Variants in SDK1 observed in about 807,000 individuals in gnomAD.
SDK1 encodes sidekick cell adhesion molecule 1.
A neutral mutation model predicts 245.5 loss-of-function variants in SDK1; 157 were observed. The ratio of observed to expected loss-of-function variants is 0.64; its 90% CI spans 0.56 to 0.73. The LOEUF (loss-of-function observed/expected upper bound fraction) is 0.73, where lower values mean the gene tolerates loss of function less well. Ranked by LOEUF, SDK1 falls within the 30% of genes least tolerant of loss-of-function variation. SDK1 has a pLI of 0.00. For missense variants in SDK1, 3,583 were observed against 3,002.3 expected (o/e 1.19, Z -4.52); for synonymous variants, 1,647 against 1,278.5 (o/e 1.29, Z -6.15).
At chr7:3,469,107 A>G (rs1183841650) in intron 1 of SDK1, among the ~76,000 whole-genome samples, 1 of 152,092 alleles carries the variant, frequency 6.6e-6, no homozygotes, top group Non-Finnish European at 1.5e-5. Context: ...GTGATTTGAA[A>G]TTTCGAATTT....
intron 1 of SDK1, among the ~76,000 whole-genome samples, chr7:3,417,586 CTG>C (rs1437153745): frequency 3.3e-5 from 5 of 152,322 alleles, no homozygotes; most frequent in Middle Eastern, 3.4e-3. Context: ...CCCTGAGTAT[CTG>C]TGCTCATTAA....
In SDK1 at chr7:4,237,699, T is replaced by C. The variant is rs1327039818; in HGVS notation, c.6045T>C (p.Ala2015=). 1.2e-6 allele frequency: 2 copies of C among 1,614,102 alleles called. No individual in the cohort carries two copies. Among genetic ancestry groups the C allele is most frequent in the African/African-American group, 2.7e-5 (2 of 75,016 alleles). ...YEEWWFLLVM[A]LSSLIVILLV... The stretch of plus-strand genomic sequence containing the variant: ...AGTGGTGGTTCCTCCTGGTGATGGC[T>C]CTGTCCAGCCTGATCGTCATCCTGC... Residue 2015 remains alanine (A), a synonymous_variant, in exon 42 of 45, where the codon GCT becomes GCC. Transcript: ENST00000404826.
chr7:4,003,455 G>A (rs1038403370), intron 14 of SDK1, among the ~76,000 whole-genome samples: 8 of 152,114 alleles, frequency 5.3e-5, no homozygotes, highest in Non-Finnish European at 7.4e-5. Context: ...GCCCCCTTCC[G>A]AGCTCCGCAG....
intron 1 of SDK1, among the ~76,000 whole-genome samples, chr7:3,525,827 T>G (rs572271324): frequency 6.6e-6 from 1 of 152,344 alleles, no homozygotes; most frequent in Non-Finnish European, 1.5e-5. Context: ...TCAATTTTAG[T>G]GTAATAATTT....
intron 1 of SDK1, among the ~76,000 whole-genome samples, chr7:3,451,032 A>G (rs1458145504): frequency 1.2e-4 from 18 of 152,178 alleles, no homozygotes; most frequent in Admixed American, 1.1e-3. Context: ...GGGTTTGGCA[A>G]TAAAGAGGTC....
Position 3,921,072 on chromosome 7 carries a change from G to C in SDK1, c.848-29851G>C, listed in dbSNP as rs551523128. On this transcript the variant is annotated intron_variant, in intron 5 of 44. Transcript: ENST00000404826. ...CAGAGCTCATTTTTCTTTTTTATTAGATGAGCAATAAGTGTTAAATGTAGA... is the reference window on the plus strand; with the variant it reads ...CAGAGCTCATTTTTCTTTTTTATTACATGAGCAATAAGTGTTAAATGTAGA... 5.9e-5 allele frequency among the ~76,000 whole-genome samples: 9 copies of C among 152,278 alleles called. No homozygotes were observed. The South Asian group carries it at 1.9e-3, about 32-fold the overall frequency.
chr7:3,735,880 T>A (rs1779304803), intron 4 of SDK1, among the ~76,000 whole-genome samples: 1 of 152,198 alleles, frequency 6.6e-6, no homozygotes, highest in South Asian at 2.1e-4. Context: ...GCCATCCTAA[T>A]GTGTGAAGAT....
At chr7:3,677,383 C>G (rs1783938193) in intron 4 of SDK1, among the ~76,000 whole-genome samples, 1 of 152,204 alleles carries the variant, frequency 6.6e-6, no homozygotes, top group Non-Finnish European at 1.5e-5. Flanking sequence ...TTTTAATGGA[C>G]TCACAGTTCC....
chr7:3,914,417 TG>T (rs1380223975), intron 5 of SDK1, among the ~76,000 whole-genome samples: 1 of 152,210 alleles, frequency 6.6e-6, no homozygotes, highest in Admixed American at 6.5e-5. Context: ...AGAGAGAAAC[TG>T]CATTGAAATC....
At chr7:3,959,402 C>T (rs1269735468) in intron 8 of SDK1, among the ~76,000 whole-genome samples, 3 of 152,076 alleles carry the variant, frequency 2.0e-5, no homozygotes, top group Non-Finnish European at 4.4e-5. Flanking sequence ...CTGGTGAGCA[C>T]AGCCACTCTA....
chr7:3,675,286 G>A (rs144045139), intron 4 of SDK1, among the ~76,000 whole-genome samples: 73 of 152,296 alleles, frequency 4.8e-4, no homozygotes, highest in African/African-American at 1.8e-3. Context: ...CCAACATTTA[G>A]CTGTTTTCAC....
At chr7:3,627,056 T>A (rs1024293515) in intron 2 of SDK1, among the ~76,000 whole-genome samples, 2 of 152,040 alleles carry the variant, frequency 1.3e-5, no homozygotes, top group Non-Finnish European at 2.9e-5. Context: ...GCTTCCCACG[T>A]AGCTAGGGGT....
intron 14 of SDK1, among the ~76,000 whole-genome samples, chr7:4,002,487 A>G (rs1367523537): frequency 6.6e-6 from 1 of 152,216 alleles, no homozygotes; most frequent in Non-Finnish European, 1.5e-5. Context: ...GGAGTCTCCA[A>G]AAACGTGAAA....
At chr7:3,790,801 A>C (rs890853099) in intron 4 of SDK1, among the ~76,000 whole-genome samples, 5 of 152,238 alleles carry the variant, frequency 3.3e-5, no homozygotes, top group Non-Finnish European at 5.9e-5. Flanking sequence ...TGTCGCCAAA[A>C]ACACACACAC....
chr7:3,598,647 C>G (rs967443803), intron 1 of SDK1, among the ~76,000 whole-genome samples: 1 of 152,190 alleles, frequency 6.6e-6, no homozygotes, highest in African/African-American at 2.4e-5. Context: ...CTGGCAAACC[C>G]TAATCCCTTC....
chr7:3,977,702 C>T (rs1184774361), intron 13 of SDK1, among the ~76,000 whole-genome samples: 1 of 152,276 alleles, frequency 6.6e-6, no homozygotes, highest in East Asian at 1.9e-4. Context: ...CTCCTGGTAG[C>T]ACTGATCACG....
At chr7:3,896,724 G>A (rs886778797) in intron 5 of SDK1, among the ~76,000 whole-genome samples, 9 of 152,128 alleles carry the variant, frequency 5.9e-5, no homozygotes, top group African/African-American at 2.2e-4. Context: ...ATTTTGTCTG[G>A]TTTTCAAGCT....
chr7:4,091,334 C>CTTTTCTTTT lies in SDK1; in HGVS notation c.3324+11754_3324+11755insCTTTTTTTT, dbSNP rs1259034611. Among the ~76,000 whole-genome samples the CTTTTCTTTT allele has an allele frequency of 6.9e-3, 744 of 108,246 alleles. 23 individuals are homozygous for CTTTTCTTTT. The highest frequency in any genetic ancestry group is 0.027 in the African/African-American group (662 of 24,258). 71.0% of individuals were successfully genotyped at this position (108,246 alleles called of 152,430 possible). Reference sequence around the variant, plus strand: ...CACATTTGCCATTTTCTTTTCTTTTCTTTTTTTTTTTTTTTTTTTTTTGTT... The same window carrying CTTTTCTTTT: ...CACATTTGCCATTTTCTTTTCTTTTCTTTTCTTTTTTTTTTTTTTTTTTTTTTTTTTGTT... On this transcript the variant is annotated intron_variant, in intron 22 of 44. Coordinates refer to ENST00000404826, the MANE Select transcript of SDK1 (RefSeq NM_152744.4).
At chr7:3,820,219 A>G (rs1187825017) in intron 4 of SDK1, among the ~76,000 whole-genome samples, 2 of 152,112 alleles carry the variant, frequency 1.3e-5, no homozygotes, top group African/African-American at 4.8e-5. Flanking sequence ...GCGTGATCTC[A>G]GCTCACTTCA....
Sources: gnomAD v4.1 joint callset for allele counts (sites outside exome capture counted in the v4.1 genomes callset) on GRCh38, gnomAD v4.1.1 for gene constraint, MANE v1.5 for transcripts, NCBI Gene and HGNC (gene_info 2026-07-23, HGNC 2026-07-21) for gene names.